The following BCAS3 variants were observed in gnomAD, a reference collection of about 807,000 sequenced individuals.
BCAS3 encodes the protein BCAS4/BCAS3 fusion.
BCAS3 carries 53 observed loss-of-function variants against 116.1 expected under a neutral mutation model. The observed-to-expected ratio is 0.46, with a 90% CI of 0.37 to 0.57. BCAS3 has a LOEUF of 0.57. BCAS3 is among the 20% of genes least tolerant of loss of function. The probability of loss-of-function intolerance (pLI) is 0.00; values close to 1 mark genes in which losing one functional copy is unlikely to be tolerated. For synonymous variants in BCAS3, 391 were observed against 408.2 expected (o/e 0.96, Z 0.51); for missense variants, 917 against 1,165.4 (o/e 0.79, Z 3.10).
chr17:61,135,849 C>G (rs1314044580), intron 22 of BCAS3: 1 of 152,246 alleles, frequency 6.6e-6, no homozygotes, highest in African/African-American at 2.4e-5. Flanking sequence ...AGAGACCGTG[C>G]GGCCTAAAGA....
At chr17:61,353,487 G>T (rs1955293861) in intron 22 of BCAS3, 1 of 152,270 alleles carries the variant, frequency 6.6e-6, no homozygotes. Flanking sequence ...TGCAAAATGG[G>T]GTTCTCCAGT....
intron 14 of BCAS3, among the ~76,000 whole-genome samples, 163 bp from the exon 15 acceptor site, chr17:60,989,807 CA>C: frequency 6.6e-6 from 1 of 152,230 alleles, no homozygotes; most frequent in South Asian, 2.1e-4. Flanking sequence ...GATCAACAGT[CA>C]TTGTGAAATG....
chr17:61,169,239 T>G (rs770270280), intron 22 of BCAS3, among the ~76,000 whole-genome samples: 6 of 152,230 alleles, frequency 3.9e-5, no homozygotes, highest in African/African-American at 7.2e-5. Flanking sequence ...AAGCCCACTT[T>G]TAAATGATGT....
intron 15 of BCAS3, chr17:61,002,468 A>G (rs2064312048): frequency 7.5e-6 from 1 of 133,384 alleles, no homozygotes; most frequent in Non-Finnish European, 1.5e-5. Context: ...AGAGGGCAAT[A>G]TTTTCTCATT....
chr17:61,227,433 A>G lies in BCAS3; in HGVS notation c.2426-140894A>G, dbSNP rs987813883. ...AAACATGTCCCTAAGACCAGAAATT[A>G]TAATTAAGAACAGAGGAACTCTAGG... is the stretch of plus-strand genomic sequence containing the variant. On this transcript the variant is annotated intron_variant, in intron 22 of 23. Transcript: ENST00000407086. This position sits in a 1 kb window ranked among gnomAD's most constrained non-coding sequence, Gnocchi z 6.1. Among the ~76,000 whole-genome samples the G allele has an allele frequency of 6.6e-6, 1 of 152,238 alleles. No individual in the cohort carries two copies. The highest frequency in any genetic ancestry group is 2.4e-5 in the African/African-American group (1 of 41,454).
At chr17:60,937,381 A>G (rs1449919502) in intron 13 of BCAS3, among the ~76,000 whole-genome samples, 1 of 150,474 alleles carries the variant, frequency 6.6e-6, no homozygotes. Flanking sequence ...TTCTCCATTC[A>G]CTCCATATAA....
At chr17:61,096,538 CAGAGGGGAAA>C (rs2073985793) in intron 22 of BCAS3, among the ~76,000 whole-genome samples, 1 of 152,200 alleles carries the variant, frequency 6.6e-6, no homozygotes, top group Admixed American at 6.5e-5. Context: ...GCCTGGGTGA[CAGAGGGGAAA>C]CCCTGTCTCA....
intron 10 of BCAS3, among the ~76,000 whole-genome samples, chr17:60,901,869 T>C (rs1415983617): frequency 6.6e-6 from 1 of 152,222 alleles, no homozygotes; most frequent in Non-Finnish European, 1.5e-5. Flanking sequence ...TTTTTAAAAA[T>C]GTTAAACATA....
intron 7 of BCAS3, among the ~76,000 whole-genome samples, chr17:60,818,371 C>CA (rs1423955556): frequency 6.6e-6 from 1 of 152,150 alleles, no homozygotes; most frequent in Non-Finnish European, 1.5e-5. Context: ...AGGTGAAGCG[C>CA]AGTGTCACCA....
rs1029301719 is a variant in BCAS3, at chr17:61,364,706, TCAAAA to T, written c.2426-3603_2426-3599del. Among the ~76,000 whole-genome samples, 2 of 152,198 alleles carry T rather than the reference TCAAAA, an allele frequency of 1.3e-5. No individual in the cohort carries two copies. Among genetic ancestry groups the T allele is most frequent in the Non-Finnish European group, 2.9e-5 (2 of 68,040 alleles). Reference sequence around the variant, plus strand: ...CTGGGCAAAAGAGTGAGACCCCGTCTCAAAACAAAACAAAACAAAACAGTTCTCCA... The same window carrying T: ...CTGGGCAAAAGAGTGAGACCCCGTCTCAAAACAAAACAAAACAGTTCTCCA... On this transcript the variant is annotated intron_variant, in intron 22 of 23. Transcript: ENST00000407086. This position sits in a 1 kb window ranked among gnomAD's most constrained non-coding sequence, Gnocchi z 5.4.
rs2067440439 is a variant in BCAS3 at position 61,040,783 on chromosome 17, T to G, written c.1929-9T>G. The G allele has an allele frequency of 1.2e-6, 2 of 1,607,260 alleles. No homozygotes were observed. The highest frequency in any genetic ancestry group is 8.5e-7 in the Non-Finnish European group (1 of 1,173,920). ...CTTAAATATTAATATTCTTCTCCTG[T>G]TTCCTTAGAACCCCTCAATGGAATG... On this transcript the variant is annotated splice_polypyrimidine_tract_variant and intron_variant, in intron 18 of 23. Coordinates refer to ENST00000407086, the MANE Select transcript of BCAS3 (RefSeq NM_017679.5).
chr17:61,343,052 G>C lies in BCAS3; in HGVS notation c.2426-25275G>C, dbSNP rs951075712. On this transcript the variant is annotated intron_variant, in intron 22 of 23. Transcript: ENST00000407086. The surrounding 1 kb of genome is among the most constrained non-coding windows in gnomAD (Gnocchi z 5.5). ...CAGGCGTGAGCCACTGAGCCCAGCC[G>C]AGATTTTCTTTTAAAGGAAGGTGAG... 3.3e-5 allele frequency among the ~76,000 whole-genome samples: 5 copies of C among 152,126 alleles called. No individual in the cohort carries two copies. The highest frequency in any genetic ancestry group is 1.2e-4 in the African/African-American group (5 of 41,428).
At position 61,204,263 on chromosome 17, in the gene BCAS3, C is replaced by A. The variant is rs1389721102; in HGVS notation, c.2425+119699C>A. On this transcript the variant is annotated intron_variant, in intron 22 of 23. Transcript: ENST00000407086. This position sits in a 1 kb window ranked among gnomAD's most constrained non-coding sequence, Gnocchi z 4.2. Reference sequence around the variant, plus strand: ...GTTTATTTGTGCTAAACCAAATTCTCCTACAAGGTATTGCTCTGTATTCAA... The same window carrying A: ...GTTTATTTGTGCTAAACCAAATTCTACTACAAGGTATTGCTCTGTATTCAA... Among the ~76,000 whole-genome samples the A allele has an allele frequency of 6.6e-6, 1 of 152,162 alleles. No homozygotes were observed. Among genetic ancestry groups the A allele is most frequent in the African/African-American group, 2.4e-5 (1 of 41,438 alleles).
intron 22 of BCAS3, among the ~76,000 whole-genome samples, chr17:61,359,482 A>G (rs1169184466): frequency 1.5e-5 from 2 of 135,210 alleles, no homozygotes; most frequent in Non-Finnish European, 1.5e-5. Flanking sequence ...GGTTAACATC[A>G]GGTTACTTCA....
chr17:60,941,224 G>T (rs1246419056), intron 13 of BCAS3, among the ~76,000 whole-genome samples: 4 of 152,182 alleles, frequency 2.6e-5, no homozygotes, highest in African/African-American at 9.7e-5. Flanking sequence ...ATAATTAGAA[G>T]TCCTTCTTTT....
chr17:61,142,351 C>G (rs1226412366), intron 22 of BCAS3, among the ~76,000 whole-genome samples: 3 of 152,140 alleles, frequency 2.0e-5, no homozygotes, highest in African/African-American at 7.2e-5. Flanking sequence ...GATGTGGCCC[C>G]AGTTTTGGTA....
chr17:60,712,817 A>G (rs2038096989), intron 5 of BCAS3, among the ~76,000 whole-genome samples: 1 of 152,222 alleles, frequency 6.6e-6, no homozygotes, highest in Non-Finnish European at 1.5e-5. Flanking sequence ...TGCTCTCTTC[A>G]TAGGGGAGAA....
In BCAS3 at chr17:61,196,615, T is replaced by G. The variant is rs1393687089; in HGVS notation, c.2425+112051T>G. Among the ~76,000 whole-genome samples, 1 of 152,246 alleles carries G rather than the reference T, an allele frequency of 6.6e-6. No homozygotes were observed. Among genetic ancestry groups the G allele is most frequent in the East Asian group, 1.9e-4 (1 of 5,176 alleles). On this transcript the variant is annotated intron_variant, in intron 22 of 23. Transcript: ENST00000407086. The surrounding 1 kb of genome is among the most constrained non-coding windows in gnomAD (Gnocchi z 4.7). ...GCTAGCCAGACTGCTCCACATAGAC[T>G]TCCGATTCGAATTAGAAATGAAAAG...
chr17:61,389,076 G>GA lies in BCAS3; in HGVS notation c.2594-2900dup, dbSNP rs1360645727. 4.1e-5 allele frequency: 10 copies of GA among 244,452 alleles called. No homozygotes were observed. In the East Asian group the frequency reaches 1.1e-3, roughly 26 times the overall value. 15.1% of individuals were successfully genotyped at this position (244,452 alleles called of 1,614,324 possible). A position where few individuals can be genotyped will look rare whatever the true frequency, so the allele number is the denominator to read the frequency against. On this transcript the variant is annotated intron_variant, in intron 23 of 23. Transcript: ENST00000407086. The stretch of plus-strand genomic sequence containing the variant: ...CAGAGTTAAGGCACAGAACCCCCCC[G>GA]AGGGGGTCTCCCCTAGATGAGACAC...
Sources: allele counts gnomAD v4.1 joint callset (sites outside exome capture counted in the v4.1 genomes callset), GRCh38; gene constraint gnomAD v4.1.1; non-coding constraint Gnocchi (gnomAD v3.1); transcripts MANE v1.5; gene names NCBI Gene and HGNC (gene_info 2026-07-23, HGNC 2026-07-21).